The following NTN1 variants were observed in gnomAD, a reference collection of about 807,000 sequenced individuals.
NTN1 encodes the protein netrin-1.
A neutral mutation model predicts 54.2 loss-of-function variants in NTN1; 11 were observed. That is an observed-to-expected ratio of 0.20 (90% CI 0.13 to 0.34). The LOEUF (loss-of-function observed/expected upper bound fraction) is 0.34. Among genes scored for constraint, NTN1 ranks in the 10% least tolerant of loss-of-function variants. The pLI, the probability that NTN1 is intolerant of heterozygous loss-of-function variation, is 1.00. For synonymous variants in NTN1, 371 were observed against 382.0 expected (o/e 0.97, Z 0.33); for missense variants, 740 against 893.1 (o/e 0.83, Z 2.18).
intron 5 of NTN1, among the ~76,000 whole-genome samples, chr17:9,200,066 G>A (rs993963761): frequency 3.3e-5 from 5 of 152,212 alleles, no homozygotes; most frequent in African/African-American, 4.8e-5. Context: ...CAAGCTAACC[G>A]GCTAGCCAAC....
At chr17:9,012,642 C>T in the NTN1 span, among the ~76,000 whole-genome samples, 1 of 152,106 alleles carries the variant, frequency 6.6e-6, no homozygotes, top group East Asian at 1.9e-4. Flanking sequence ...CTTCCTTCCT[C>T]ACTTCACTCA....
At chr17:9,130,652 C>T (rs887556541) in intron 2 of NTN1, among the ~76,000 whole-genome samples, 1 of 152,154 alleles carries the variant, frequency 6.6e-6, no homozygotes, top group African/African-American at 2.4e-5. Context: ...CTCTTGGACA[C>T]CCTAAACACC....
intron 2 of NTN1, among the ~76,000 whole-genome samples, chr17:9,076,133 C>G (rs545736486): frequency 1.3e-5 from 2 of 152,292 alleles, no homozygotes; most frequent in South Asian, 4.1e-4. Flanking sequence ...CTGTGGAAGA[C>G]GCACAACCCT....
rs772623927 is a variant in NTN1 at position 9,162,908 on chromosome 17, C to T, written c.1114C>T (p.Arg372Cys). 8 of 1,613,358 alleles carry T rather than the reference C, an allele frequency of 5.0e-6. No individual in the cohort carries two copies. Among genetic ancestry groups the T allele is most frequent in the East Asian group, 4.5e-5 (2 of 44,816 alleles). ...RKSGGVCLNC[R>C]HNTAGRHCHY... is the part of the protein sequence containing the mutation. ...GAGCGGAGGTGTCTGCCTCAACTGT[C>T]GCCACAACACCGCCGGCCGCCACTG... Residue 372 changes from arginine to cysteine, a missense_variant, in exon 3 of 7, where the codon CGC becomes TGC. Coordinates refer to ENST00000173229, the MANE Select transcript of NTN1 (RefSeq NM_004822.3).
chr17:9,136,447 T>G (rs931637543), intron 2 of NTN1, among the ~76,000 whole-genome samples: 1 of 152,070 alleles, frequency 6.6e-6, no homozygotes, highest in Admixed American at 6.6e-5. Context: ...CATAGTGGCA[T>G]GCGCCTGTAA....
upstream of NTN1, among the ~76,000 whole-genome samples, chr17:9,020,322 C>G (rs1218092660): frequency 2.6e-5 from 4 of 152,216 alleles, no homozygotes; most frequent in African/African-American, 7.2e-5. Context: ...ACTCTCGGCC[C>G]AGTGTATTCC....
intron 5 of NTN1, among the ~76,000 whole-genome samples, chr17:9,194,158 C>A (rs964918605): frequency 1.3e-5 from 2 of 151,540 alleles, no homozygotes; most frequent in African/African-American, 4.8e-5. Flanking sequence ...ATCGCTTGAA[C>A]CCAGGAGGTG....
the NTN1 span, among the ~76,000 whole-genome samples, chr17:9,005,311 A>G: frequency 1.3e-5 from 2 of 152,196 alleles, no homozygotes; most frequent in African/African-American, 4.8e-5. Flanking sequence ...ATTGAGGCCT[A>G]AAGTGACTTG....
chr17:9,213,395 C>T (rs1176646541), intron 5 of NTN1, among the ~76,000 whole-genome samples: 1 of 152,200 alleles, frequency 6.6e-6, no homozygotes, highest in African/African-American at 2.4e-5. Flanking sequence ...CAGAGGCTCC[C>T]CTGAGAGAGC....
intron 2 of NTN1, among the ~76,000 whole-genome samples, chr17:9,030,854 G>A (rs1201035306): frequency 6.6e-6 from 1 of 152,182 alleles, no homozygotes; most frequent in Non-Finnish European, 1.5e-5. Context: ...AACTTTAAAA[G>A]CAGAAAGTAA....
At chr17:9,088,080 G>A (rs911343942) in intron 2 of NTN1, among the ~76,000 whole-genome samples, 10 of 152,202 alleles carry the variant, frequency 6.6e-5, no homozygotes, top group African/African-American at 2.2e-4. Flanking sequence ...ATACTGCTGT[G>A]CTGGAAGGAG....
chr17:9,191,729 T>G (rs1393910682), intron 5 of NTN1, among the ~76,000 whole-genome samples: 5 of 151,912 alleles, frequency 3.3e-5, no homozygotes, highest in Non-Finnish European at 7.4e-5. Context: ...AAGAATACTC[T>G]TTTAAAAGCT....
intron 2 of NTN1, among the ~76,000 whole-genome samples, chr17:9,044,168 T>C (rs1179458141): frequency 6.6e-6 from 1 of 152,136 alleles, no homozygotes; most frequent in Non-Finnish European, 1.5e-5. Context: ...TGGGTTTTCA[T>C]CTCCAGGAGG....
intron 5 of NTN1, among the ~76,000 whole-genome samples, chr17:9,203,615 A>G (rs993347895): frequency 6.6e-6 from 1 of 151,948 alleles, no homozygotes; most frequent in South Asian, 2.1e-4. Flanking sequence ...CCTGGCCAAC[A>G]TGGTGAAACC....
At chr17:9,036,412 T>C (rs938037757) in intron 2 of NTN1, among the ~76,000 whole-genome samples, 13 of 51,102 alleles carry the variant, frequency 2.5e-4, no homozygotes, top group African/African-American at 1.0e-3. Flanking sequence ...TTTTTTTTTG[T>C]AGAGACAGGG....
At chr17:9,043,020 C>T (rs2091927629) in intron 2 of NTN1, among the ~76,000 whole-genome samples, 1 of 152,120 alleles carries the variant, frequency 6.6e-6, no homozygotes, top group Non-Finnish European at 1.5e-5. Flanking sequence ...TCAATTTCTT[C>T]CATACTTATG....
At chr17:9,223,861 A>G (rs113692050) in intron 6 of NTN1, among the ~76,000 whole-genome samples, 2,158 of 152,304 alleles carry the variant, frequency 0.014, 69 homozygotes, top group African/African-American at 0.048. Context: ...CCTTCCCTGC[A>G]CAAGGCCTAG....
chr17:9,189,168 C>G (rs1413855987), intron 5 of NTN1, among the ~76,000 whole-genome samples: 1 of 152,214 alleles, frequency 6.6e-6, no homozygotes, highest in Non-Finnish European at 1.5e-5. Flanking sequence ...ATTTAATCAT[C>G]TCTTCCACCC....
chr17:9,217,128 C>G (rs146037613), intron 5 of NTN1, among the ~76,000 whole-genome samples: 1 of 152,134 alleles, frequency 6.6e-6, no homozygotes, highest in African/African-American at 2.4e-5. Context: ...AACTTCCCCT[C>G]CCTGGAGGAG....
Sources: gnomAD v4.1 joint callset for allele counts (sites outside exome capture counted in the v4.1 genomes callset) on GRCh38, gnomAD v4.1.1 for gene constraint, MANE v1.5 for transcripts, NCBI Gene and HGNC (gene_info 2026-07-23, HGNC 2026-07-21) for gene names.